The following ULK4 variants were observed in gnomAD, a reference collection of about 807,000 sequenced individuals.
The protein encoded by ULK4 is unc-51 like kinase 4.
In ULK4, 133 loss-of-function variants were observed where a neutral mutation model predicts 160.6. The ratio of observed to expected loss-of-function variants is 0.83; its 90% confidence interval spans 0.72 to 0.96. The LOEUF (loss-of-function observed/expected upper bound fraction) is 0.96, where lower values mean the gene tolerates loss of function less well. Among genes scored for constraint, ULK4 ranks in the 40% least tolerant of loss-of-function variants. ULK4 has a pLI of 0.00. For synonymous variants in ULK4, 534 were observed against 539.8 expected, an observed-to-expected ratio of 0.99 and a Z score of 0.15; for missense variants, 1,580 against 1,499.5, an observed-to-expected ratio of 1.05 and a Z score of -0.89.
chr3:41,744,561 G>A (rs1472913488), intron 22 of ULK4, among the ~76,000 whole-genome samples: 2 of 151,782 alleles, frequency 1.3e-5, no homozygotes, highest in African/African-American at 4.9e-5. Context: ...AAATTTGTTA[G>A]AAAGCAAAAA....
Position 41,473,518 on chromosome 3 carries a change from C to T in ULK4, c.3227-10265G>A, listed in dbSNP as rs144051062. On this transcript the variant is annotated intron_variant, in intron 32 of 36. Transcript: ENST00000301831. ...TTCTACTAAAAATACAAAAATTAGC[C>T]GGGCATGGTGGAACATGCCTGTAAT... is the stretch of plus-strand genomic sequence containing the variant. Among the ~76,000 whole-genome samples, 22 of 151,442 alleles carry T rather than the reference C, an allele frequency of 1.5e-4. No homozygotes were observed. The East Asian group carries it at 2.9e-3, about 20-fold the overall frequency.
chr3:41,311,368 T>C (rs538209255), intron 35 of ULK4, among the ~76,000 whole-genome samples: 17 of 152,172 alleles, frequency 1.1e-4, no homozygotes, highest in African/African-American at 3.6e-4. Context: ...GAGTATAAAG[T>C]AGGCAGAAAA....
At chr3:41,732,978 CAG>C (rs2037884086) in intron 22 of ULK4, among the ~76,000 whole-genome samples, 1 of 151,830 alleles carries the variant, frequency 6.6e-6, no homozygotes, top group African/African-American at 2.4e-5. Context: ...AGGGGGAGGA[CAG>C]GGAAAGTTTG....
In ULK4 at chr3:41,918,482, T is replaced by C. The variant is rs1260595629; in HGVS notation, c.702A>G (p.Glu234=). 5.7e-6 allele frequency: 9 copies of C among 1,583,716 alleles called. No homozygotes were observed. The highest frequency in any genetic ancestry group is 7.7e-6 in the Non-Finnish European group (9 of 1,167,440). The stretch of plus-strand genomic sequence containing the variant: ...CTTTCGGAATAGGTGGCAAAGGATC[T>C]TCACATAAGATCTTTTCAGTTAATT... ...ISELTEKILC[E]DPLPPIPKDS... is the part of the protein sequence containing the mutation. The change falls in exon 7 of 37, where the codon GAA becomes GAG. Residue 234 remains glutamate, a synonymous_variant. Coordinates refer to ENST00000301831, the MANE Select transcript of ULK4 (RefSeq NM_017886.4).
chr3:41,411,139 C>T (rs1185139866), intron 34 of ULK4, among the ~76,000 whole-genome samples: 1 of 152,124 alleles, frequency 6.6e-6, no homozygotes, highest in East Asian at 1.9e-4. Context: ...TAGAAGGGAA[C>T]TTCTTGTAAA....
At chr3:41,657,818 T>TAAAAAAAAAAAAAAAAAAAAAAAAA (rs60281588) in intron 30 of ULK4, among the ~76,000 whole-genome samples, 21 of 99,720 alleles carry the variant, frequency 2.1e-4, no homozygotes, top group African/African-American at 6.0e-4. Flanking sequence ...TCCATCTCAT[T>TAAAAAAAAAAAAAAAAAAAAAAAAA]AAAAAAAAAA....
chr3:41,659,845 T>C (rs960647550), intron 30 of ULK4, among the ~76,000 whole-genome samples: 1 of 152,108 alleles, frequency 6.6e-6, no homozygotes, highest in African/African-American at 2.4e-5. Context: ...AGAAAAGTTA[T>C]AATACATCCA....
chr3:41,465,889 A>C (rs910696450), intron 32 of ULK4, among the ~76,000 whole-genome samples: 16 of 152,208 alleles, frequency 1.1e-4, no homozygotes, highest in African/African-American at 3.9e-4. Context: ...GTCGTTTACC[A>C]GTTTCAGAAC....
intron 17 of ULK4, among the ~76,000 whole-genome samples, chr3:41,863,165 C>T (rs1575847462): frequency 6.6e-6 from 1 of 152,172 alleles, no homozygotes; most frequent in Non-Finnish European, 1.5e-5. Context: ...ACTGAAACTA[C>T]ACAATGCAGT....
chr3:41,389,772 G>T (rs1444391083), intron 35 of ULK4, among the ~76,000 whole-genome samples: 2 of 152,168 alleles, frequency 1.3e-5, no homozygotes, highest in Non-Finnish European at 2.9e-5. Context: ...GATTCGGTTT[G>T]CCAGTATTTT....
chr3:41,691,250 C>G (rs1330155103), intron 27 of ULK4, among the ~76,000 whole-genome samples: 1 of 151,754 alleles, frequency 6.6e-6, no homozygotes, highest in Admixed American at 6.6e-5. Context: ...TCTGGAGGCC[C>G]CTGCACATAC....
chr3:41,723,683 A>G (rs187998122), intron 22 of ULK4, among the ~76,000 whole-genome samples: 36 of 152,366 alleles, frequency 2.4e-4, no homozygotes, highest in African/African-American at 7.7e-4. Context: ...CACTCAGGCA[A>G]AAGTTTAAAC....
At chr3:41,750,651 A>G (rs2038589142) in intron 22 of ULK4, among the ~76,000 whole-genome samples, 1 of 152,088 alleles carries the variant, frequency 6.6e-6, no homozygotes, top group Admixed American at 6.5e-5. Flanking sequence ...AGTTTTCAAT[A>G]TTTGTTAAAA....
intron 32 of ULK4, among the ~76,000 whole-genome samples, chr3:41,484,092 C>A (rs1395849892): frequency 1.3e-5 from 2 of 152,108 alleles, no homozygotes; most frequent in African/African-American, 4.8e-5. Flanking sequence ...TTTCTTTAAC[C>A]TAGTCTGTTG....
intron 34 of ULK4, among the ~76,000 whole-genome samples, chr3:41,443,114 C>G (rs1460866469): frequency 6.6e-6 from 1 of 152,122 alleles, no homozygotes; most frequent in Non-Finnish European, 1.5e-5. Context: ...ACATCTTTAT[C>G]CTTTTCATCA....
At chr3:41,879,652 A>AT (rs1344769247) in intron 17 of ULK4, among the ~76,000 whole-genome samples, 10 of 151,788 alleles carry the variant, frequency 6.6e-5, no homozygotes, top group African/African-American at 2.4e-4. Flanking sequence ...ACCAAACTCT[A>AT]TTTTTTCTAG....
At chr3:41,286,874 G>A (rs1412956966) in intron 35 of ULK4, among the ~76,000 whole-genome samples, 1 of 152,216 alleles carries the variant, frequency 6.6e-6, no homozygotes, top group East Asian at 1.9e-4. Flanking sequence ...AGGAAGCAGA[G>A]GTTAAACCAC....
chr3:41,484,611 C>A (rs1229209047), intron 32 of ULK4, among the ~76,000 whole-genome samples: 3 of 152,062 alleles, frequency 2.0e-5, no homozygotes, highest in African/African-American at 7.2e-5. Context: ...CGCCACCACA[C>A]CCGGCTAATT....
chr3:41,666,749 T>C (rs140805238), intron 29 of ULK4, among the ~76,000 whole-genome samples: 2 of 152,278 alleles, frequency 1.3e-5, no homozygotes, highest in African/African-American at 4.8e-5. Flanking sequence ...AGAGGAAATA[T>C]GGACAACTAC....
Sources: gnomAD v4.1 joint callset for allele counts (sites outside exome capture counted in the v4.1 genomes callset) on GRCh38, gnomAD v4.1.1 for gene constraint, MANE v1.5 for transcripts, NCBI Gene and HGNC (gene_info 2026-07-23, HGNC 2026-07-21) for gene names.